The following MYO16 variants were observed in gnomAD, a reference collection of about 807,000 sequenced individuals.
The protein encoded by MYO16 is myosin XVI, also known as unconventional myosin-XVI.
In MYO16, 94 loss-of-function variants were observed where a neutral mutation model predicts 205.3. That is an observed-to-expected ratio of 0.46 (90% confidence interval 0.39 to 0.54). The LOEUF (loss-of-function observed/expected upper bound fraction) is 0.54, where lower values mean the gene tolerates loss of function less well. MYO16 is among the 20% of genes least tolerant of loss of function. The pLI is 0.00. For missense variants in MYO16, 2,315 were observed against 2,387.5 expected (o/e 0.97, Z 0.63); for synonymous variants, 988 against 954.0 (o/e 1.04, Z -0.66).
intron 34 of MYO16, among the ~76,000 whole-genome samples, chr13:109,198,401 T>C (rs1880251045): frequency 6.6e-6 from 1 of 151,848 alleles, no homozygotes; most frequent in Non-Finnish European, 1.5e-5. Context: ...CTTTGTTATC[T>C]TACCCCTAAA....
At chr13:108,681,165 C>G (rs1347396891) in intron 2 of MYO16, among the ~76,000 whole-genome samples, 1 of 152,244 alleles carries the variant, frequency 6.6e-6, no homozygotes, top group Non-Finnish European at 1.5e-5. Context: ...ATATGCTTCT[C>G]TTTCCCACAT....
chr13:109,179,466 T>A, intron 33 of MYO16, 76 bp from the exon 34 acceptor site: 1 of 867,244 alleles, frequency 1.2e-6, no homozygotes, highest in African/African-American at 1.7e-5. Flanking sequence ...TCTAGTTTAT[T>A]GTAATGAGTG....
the MYO16 span, among the ~76,000 whole-genome samples, chr13:108,573,041 C>T: frequency 2.0e-5 from 3 of 152,182 alleles, no homozygotes; most frequent in African/African-American, 7.2e-5. Flanking sequence ...CAAGTCTAAG[C>T]GAACATGCAG....
chr13:109,024,486 T>C (rs1264979880), intron 23 of MYO16, among the ~76,000 whole-genome samples: 2 of 147,136 alleles, frequency 1.4e-5, no homozygotes, highest in Non-Finnish European at 2.9e-5. Flanking sequence ...GTTTAAAAAA[T>C]TGTACATTCA....
At chr13:108,983,209 G>A (rs900308402) in intron 20 of MYO16, among the ~76,000 whole-genome samples, 1 of 152,120 alleles carries the variant, frequency 6.6e-6, no homozygotes, top group African/African-American at 2.4e-5. Flanking sequence ...AATACCATCT[G>A]TACCATTGAT....
In MYO16 at chr13:109,162,351, G is replaced by T. The variant is rs1297226562; in HGVS notation, c.5165-2550G>T. Among the ~76,000 whole-genome samples the T allele has an allele frequency of 6.6e-6, 1 of 152,164 alleles. No individual in the cohort carries two copies. Among genetic ancestry groups the T allele is most frequent in the African/African-American group, 2.4e-5 (1 of 41,440 alleles). Reference sequence around the variant, plus strand: ...TCAAAGCCTTGGGGAAGCCCTCACTGCGCTGAGAATAAAACCTCTCAGTTC... The same window carrying T: ...TCAAAGCCTTGGGGAAGCCCTCACTTCGCTGAGAATAAAACCTCTCAGTTC... On this transcript the variant is annotated intron_variant, in intron 32 of 34. Transcript: ENST00000457511. The surrounding 1 kb of genome is among the most constrained non-coding windows in gnomAD (Gnocchi z 4.6).
chr13:108,746,436 A>C (rs1317643699), intron 4 of MYO16, among the ~76,000 whole-genome samples: 3 of 152,160 alleles, frequency 2.0e-5, no homozygotes, highest in Admixed American at 6.5e-5. Flanking sequence ...CTTTCATAGA[A>C]GAAATAAGAT....
chr13:109,153,585 C>T (rs113778035), intron 32 of MYO16, among the ~76,000 whole-genome samples: 22,133 of 151,996 alleles, frequency 0.15, 2,054 homozygotes, highest in Middle Eastern at 0.2. Context: ...ATGGTCAAAC[C>T]CCATCTCTAC....
intron 20 of MYO16, among the ~76,000 whole-genome samples, chr13:108,976,088 G>A (rs949613020): frequency 6.6e-6 from 1 of 152,112 alleles, no homozygotes; most frequent in South Asian, 2.1e-4. Context: ...TAATCTAAAT[G>A]GTAGACTAGA....
intron 32 of MYO16, among the ~76,000 whole-genome samples, chr13:109,149,636 A>G (rs1877541816): frequency 6.6e-6 from 1 of 152,226 alleles, no homozygotes. Context: ...TGGGAGGCGG[A>G]CAGATAAAAC....
rs758501107 is a variant in MYO16 at position 109,140,513 on chromosome 13, A to C, written c.4301A>C (p.Tyr1434Ser). The change falls in exon 32 of 35, where the codon TAC becomes TCC. Residue 1434 changes from tyrosine (Y) to serine (S), a missense_variant. Physicochemically the swap from Tyr to Ser is moderately radical, Grantham distance 144. Coordinates refer to ENST00000457511, the MANE Select transcript of MYO16 (RefSeq NM_001198950.3). The surrounding 1 kb of genome is among the most constrained non-coding windows in gnomAD (Gnocchi z 8.0). ...PGDEDDSEPVYIEMLGHAARP... is the reference protein window; with the variant it reads ...PGDEDDSEPVSIEMLGHAARP... ...GACGAGGACGACAGCGAGCCTGTGT[A>C]CATCGAGATGCTGGGGCACGCGGCC... 1.9e-6 allele frequency: 3 copies of C among 1,552,492 alleles called. No individual in the cohort carries two copies. Among genetic ancestry groups the C allele is most frequent in the Non-Finnish European group, 2.6e-6 (3 of 1,157,418 alleles).
chr13:108,803,584 TGTC>T lies in MYO16; in HGVS notation c.742-3094_742-3092del, dbSNP rs539177053. ...TGTTCTAATGACCAAATGACCCTGT[TGTC>T]TGTTTTTACCCAGGCCTACATCACA... On this transcript the variant is annotated intron_variant, in intron 6 of 34. Coordinates refer to ENST00000457511, the MANE Select transcript of MYO16 (RefSeq NM_001198950.3). 3.1e-3 allele frequency among the ~76,000 whole-genome samples: 479 copies of T among 152,270 alleles called. 3 individuals carry two copies. Among genetic ancestry groups the T allele is most frequent in the African/African-American group, 0.011 (450 of 41,556 alleles).
At chr13:108,848,248 C>G (rs944920316) in intron 10 of MYO16, among the ~76,000 whole-genome samples, 3 of 152,166 alleles carry the variant, frequency 2.0e-5, no homozygotes, top group African/African-American at 7.2e-5. Context: ...TACTCCCTGC[C>G]CGGATCTGTT....
chr13:109,024,596 A>G (rs1238259465), intron 23 of MYO16, among the ~76,000 whole-genome samples: 1 of 152,178 alleles, frequency 6.6e-6, no homozygotes, highest in Non-Finnish European at 1.5e-5. Flanking sequence ...TCTGATAGAA[A>G]TAAAGCAAAA....
At chr13:108,873,948 C>A (rs1313890057) in intron 12 of MYO16, among the ~76,000 whole-genome samples, 1 of 152,226 alleles carries the variant, frequency 6.6e-6, no homozygotes, top group Non-Finnish European at 1.5e-5. Flanking sequence ...AAAAAAGCAA[C>A]CTTAAAATCA....
chr13:109,022,757 CAT>C (rs201504744), intron 23 of MYO16, among the ~76,000 whole-genome samples: 12,265 of 129,818 alleles, frequency 0.094, 666 homozygotes, highest in Middle Eastern at 0.14. Context: ...CATATAAACA[CAT>C]GTATATATTT....
chr13:108,973,851 A>T (rs191653836), intron 20 of MYO16, among the ~76,000 whole-genome samples: 1 of 152,278 alleles, frequency 6.6e-6, no homozygotes, highest in African/African-American at 2.4e-5. Flanking sequence ...CTTCTTCATT[A>T]GGTGAGACTT....
chr13:108,967,227 TTACTC>T (rs1057221140), intron 20 of MYO16, among the ~76,000 whole-genome samples: 4 of 151,910 alleles, frequency 2.6e-5, no homozygotes, highest in Admixed American at 6.6e-5. Flanking sequence ...TCACTACAAT[TTACTC>T]TAACAAGTTA....
In MYO16 at chr13:108,683,309, T is replaced by C. The variant is rs960688423; in HGVS notation, c.292+17160T>C. On this transcript the variant is annotated intron_variant, in intron 2 of 34. Coordinates refer to ENST00000457511, the MANE Select transcript of MYO16 (RefSeq NM_001198950.3). ...TACAATCCCAAGCAGAGTTGCTGGC[T>C]TGTGACAGGCTCACAGGAGAAGCTT... Among the ~76,000 whole-genome samples the C allele has an allele frequency of 2.6e-5, 4 of 151,598 alleles. No individual in the cohort carries two copies. The East Asian group carries it at 7.8e-4, about 30-fold the overall frequency.
Sources: gnomAD v4.1 joint callset for allele counts (sites outside exome capture counted in the v4.1 genomes callset) on GRCh38, gnomAD v4.1.1 for gene constraint, Gnocchi (gnomAD v3.1) non-coding constraint, MANE v1.5 for transcripts, NCBI Gene and HGNC (gene_info 2026-07-23, HGNC 2026-07-21) for gene names.